Variants in PACRG observed in about 807,000 individuals in gnomAD.
The protein encoded by PACRG is parkin coregulated.
Under a neutral mutation model 29.7 loss-of-function variants are expected in PACRG, and 29 were observed. That is an observed-to-expected ratio of 0.98 (90% confidence interval 0.73 to 1.33). The LOEUF is 1.33. PACRG is among the 40% of genes most tolerant of loss of function. PACRG has a pLI of 0.00. For missense variants in PACRG, 279 were observed against 316.2 expected (o/e 0.88, Z 0.89); for synonymous variants, 116 against 118.7 (o/e 0.98, Z 0.15).
At chr6:162,848,353 T>G (rs549038935) in intron 2 of PACRG, among the ~76,000 whole-genome samples, 1 of 152,306 alleles carries the variant, frequency 6.6e-6, no homozygotes, top group South Asian at 2.1e-4. Flanking sequence ...TCTATCTGAC[T>G]AGCTGGCCAG....
At chr6:162,836,594 T>C (rs7774483) in intron 2 of PACRG, among the ~76,000 whole-genome samples, 39,030 of 152,046 alleles carry the variant, frequency 0.26, 6,446 homozygotes, top group African/African-American at 0.45. Context: ...CCCTATGTCA[T>C]TTAGAAAGAA....
chr6:162,766,810 C>T (rs185861767), intron 1 of PACRG, among the ~76,000 whole-genome samples: 49 of 151,968 alleles, frequency 3.2e-4, no homozygotes, highest in East Asian at 3.1e-3. Context: ...GAAATTAAGT[C>T]GGGCATCTAA....
intron 2 of PACRG, among the ~76,000 whole-genome samples, chr6:163,010,767 G>C (rs1251957369): frequency 6.6e-6 from 1 of 152,222 alleles, no homozygotes; most frequent in Non-Finnish European, 1.5e-5. Context: ...TGGGCAGAAG[G>C]AGACCCCAGG....
chr6:162,858,049 G>A lies in PACRG; in HGVS notation c.291+43768G>A, dbSNP rs191664275. On this transcript the variant is annotated intron_variant, in intron 2 of 4. Transcript: ENST00000366888. ...GCCATATTGGTATCATCATTGTGCT[G>A]ACATATATTAACTCTTGAATATTCG... is the stretch of plus-strand genomic sequence containing the variant. Among the ~76,000 whole-genome samples the A allele has an allele frequency of 5.4e-3, 822 of 152,280 alleles. 7 individuals are homozygous for A. The highest frequency in any genetic ancestry group is 8.5e-3 in the Non-Finnish European group (577 of 68,028).
At chr6:163,039,961 G>A (rs1311438435) in intron 2 of PACRG, among the ~76,000 whole-genome samples, 1 of 152,200 alleles carries the variant, frequency 6.6e-6, no homozygotes, top group African/African-American at 2.4e-5. Flanking sequence ...GTAATGAGAT[G>A]CCAAATGTTA....
intron 4 of PACRG, among the ~76,000 whole-genome samples, chr6:163,166,978 T>C (rs1778840309): frequency 6.6e-6 from 1 of 152,242 alleles, no homozygotes; most frequent in African/African-American, 2.4e-5. Flanking sequence ...TGCTTTTCTA[T>C]CCAAATAAAG....
chr6:162,987,125 A>G (rs1802970884), intron 2 of PACRG, among the ~76,000 whole-genome samples: 1 of 151,800 alleles, frequency 6.6e-6, no homozygotes, highest in Non-Finnish European at 1.5e-5. Flanking sequence ...GTCTTTTCTG[A>G]TTTCTTCTTC....
At chr6:162,737,524 CT>C (rs897395177) in intron 1 of PACRG, among the ~76,000 whole-genome samples, 4 of 151,894 alleles carry the variant, frequency 2.6e-5, no homozygotes, top group Non-Finnish European at 5.9e-5. Context: ...TGTTCTTTTT[CT>C]TTTTGTGTGT....
chr6:162,762,134 A>T (rs1782422561), intron 1 of PACRG, among the ~76,000 whole-genome samples: 1 of 152,072 alleles, frequency 6.6e-6, no homozygotes, highest in African/African-American at 2.4e-5. Context: ...GGTTCTCAAT[A>T]AATAATAAAT....
At chr6:163,297,935 C>T (rs534031055) in intron 4 of PACRG, among the ~76,000 whole-genome samples, 2 of 152,306 alleles carry the variant, frequency 1.3e-5, no homozygotes, top group South Asian at 4.1e-4. Flanking sequence ...GATGGACTGA[C>T]CGTGCAGTGT....
chr6:162,909,370 A>T (rs970122818), intron 2 of PACRG, among the ~76,000 whole-genome samples: 2 of 151,992 alleles, frequency 1.3e-5, no homozygotes, highest in South Asian at 4.1e-4. Context: ...CCTGGCTAAC[A>T]CGGTGAAACC....
At chr6:162,736,701 C>T (rs1047023032) in intron 1 of PACRG, among the ~76,000 whole-genome samples, 3 of 150,972 alleles carry the variant, frequency 2.0e-5, no homozygotes, top group African/African-American at 7.3e-5. Context: ...TCATTATATA[C>T]ATGTTAAAAA....
At chr6:162,884,262 A>G (rs1330033293) in intron 2 of PACRG, among the ~76,000 whole-genome samples, 3 of 152,044 alleles carry the variant, frequency 2.0e-5, no homozygotes, top group Non-Finnish European at 4.4e-5. Context: ...TTTTTCCCCA[A>G]TATTTCTAGG....
chr6:163,312,200 A>G (rs1485670171), intron 4 of PACRG, among the ~76,000 whole-genome samples: 1 of 152,192 alleles, frequency 6.6e-6, no homozygotes, highest in East Asian at 1.9e-4. Context: ...GGAGTTTATC[A>G]GCTATAATTT....
At chr6:162,784,215 C>T (rs976779724) in intron 1 of PACRG, among the ~76,000 whole-genome samples, 1 of 152,122 alleles carries the variant, frequency 6.6e-6, no homozygotes, top group Admixed American at 6.6e-5. Flanking sequence ...CAGGAACTTA[C>T]CAAACCTCTT....
intron 4 of PACRG, among the ~76,000 whole-genome samples, chr6:163,133,555 G>C (rs1285306183): frequency 6.6e-6 from 1 of 152,164 alleles, no homozygotes; most frequent in Non-Finnish European, 1.5e-5. Flanking sequence ...TCATTTTCCA[G>C]CTTCATTCTC....
At chr6:162,977,907 G>A (rs149575671) in intron 2 of PACRG, among the ~76,000 whole-genome samples, 10,708 of 152,124 alleles carry the variant, frequency 0.07, 1,000 homozygotes, top group African/African-American at 0.21. Context: ...ACTTTGGGAG[G>A]CCGAGGGAGG....
chr6:162,752,132 A>G (rs1171604745), intron 1 of PACRG, among the ~76,000 whole-genome samples: 1 of 152,220 alleles, frequency 6.6e-6, no homozygotes, highest in Non-Finnish European at 1.5e-5. Flanking sequence ...AAAAATTCAG[A>G]TGAAGAATTT....
At chr6:162,749,016 A>G (rs966655872) in intron 1 of PACRG, among the ~76,000 whole-genome samples, 2 of 152,228 alleles carry the variant, frequency 1.3e-5, no homozygotes, top group Non-Finnish European at 2.9e-5. Context: ...TAGAGTTTAC[A>G]TAAATCAAAT....
Sources: gnomAD v4.1 joint callset for allele counts (sites outside exome capture counted in the v4.1 genomes callset) on GRCh38, gnomAD v4.1.1 for gene constraint, MANE v1.5 for transcripts, NCBI Gene and HGNC (gene_info 2026-07-23, HGNC 2026-07-21) for gene names.